UBE2L3: variants seen among roughly 807,000 people sequenced by gnomAD.
UBE2L3 encodes the protein ubiquitin-conjugating enzyme E2 L3.
UBE2L3 carries 1 observed loss-of-function variant against 17.8 expected under a neutral mutation model. That is an observed-to-expected ratio of 0.06 (90% CI 0.02 to 0.27). UBE2L3 has a LOEUF of 0.27. Ranked by LOEUF, UBE2L3 falls within the 10% of genes least tolerant of loss-of-function variation. The pLI is 1.00. For synonymous variants in UBE2L3, 44 were observed against 68.5 expected, an observed-to-expected ratio of 0.64 and a Z score of 1.76; for missense variants, 40 against 192.6, an observed-to-expected ratio of 0.21 and a Z score of 4.69.
chr22:21,608,228 C>T (rs1929279944), intron 2 of UBE2L3, among the ~76,000 whole-genome samples: 1 of 152,078 alleles, frequency 6.6e-6, no homozygotes, highest in Non-Finnish European at 1.5e-5. Context: ...ACAAGTTAGG[C>T]GGTTTCTTTC....
chr22:21,591,936 T>G (rs1928288686), intron 1 of UBE2L3, among the ~76,000 whole-genome samples: 1 of 152,164 alleles, frequency 6.6e-6, no homozygotes. Context: ...GCTGGTGTTC[T>G]GGCAGGAGGG....
At chr22:21,577,278 A>AT (rs1568973083) in intron 1 of UBE2L3, among the ~76,000 whole-genome samples, 1 of 151,448 alleles carries the variant, frequency 6.6e-6, no homozygotes, top group Non-Finnish European at 1.5e-5. Context: ...TGATTTTTGC[A>AT]TTTTTTAGTA....
intron 1 of UBE2L3, among the ~76,000 whole-genome samples, chr22:21,556,529 A>T (rs1316122774): frequency 6.6e-6 from 1 of 152,248 alleles, no homozygotes; most frequent in African/African-American, 2.4e-5. Flanking sequence ...TCCTGGACTT[A>T]AGCAATCCTC....
intron 1 of UBE2L3, among the ~76,000 whole-genome samples, chr22:21,557,574 G>A (rs1341452228): frequency 6.6e-6 from 1 of 152,096 alleles, no homozygotes; most frequent in Non-Finnish European, 1.5e-5. Context: ...CCAGGCTGGA[G>A]TGCAGTGGTG....
intron 2 of UBE2L3, among the ~76,000 whole-genome samples, chr22:21,593,291 G>T (rs1928357154): frequency 6.6e-6 from 1 of 152,164 alleles, no homozygotes; most frequent in African/African-American, 2.4e-5. Context: ...GAGCTCCTCA[G>T]GAGGGGACAA....
intron 3 of UBE2L3, among the ~76,000 whole-genome samples, chr22:21,619,486 C>T (rs546525767): frequency 2.6e-5 from 4 of 152,278 alleles, no homozygotes; most frequent in African/African-American, 4.8e-5. Context: ...ATGCCCTCCT[C>T]GCCTCTGCCC....
chr22:21,589,101 A>G (rs1928111532), intron 1 of UBE2L3, among the ~76,000 whole-genome samples: 1 of 134,036 alleles, frequency 7.5e-6, no homozygotes, highest in Non-Finnish European at 1.6e-5. Context: ...GCCTGAATTT[A>G]TCTTCTTGAA....
At chr22:21,567,219 A>G (rs1015738794), upstream of UBE2L3, among the ~76,000 whole-genome samples, 78 of 151,836 alleles carry the variant, frequency 5.1e-4, 1 homozygote, top group Admixed American at 5.1e-3. Context: ...GCTGGAGTGT[A>G]GTGGCAAGAT....
intron 2 of UBE2L3, among the ~76,000 whole-genome samples, chr22:21,598,479 A>G (rs1928677130): frequency 6.8e-6 from 1 of 146,244 alleles, no homozygotes; most frequent in Non-Finnish European, 1.5e-5. Flanking sequence ...TTTCCCCATA[A>G]TTGTGAGTTT....
At chr22:21,572,422 CAAAA>C (rs140497) in intron 1 of UBE2L3, among the ~76,000 whole-genome samples, 5 of 104,798 alleles carry the variant, frequency 4.8e-5, no homozygotes, top group African/African-American at 1.5e-4. Flanking sequence ...GACTCCGTCT[CAAAA>C]AAAAAAAAAA....
chr22:21,614,309 G>A (rs1039226329), intron 3 of UBE2L3, among the ~76,000 whole-genome samples: 2 of 152,146 alleles, frequency 1.3e-5, no homozygotes, highest in African/African-American at 4.8e-5. Context: ...GCCACCTGAG[G>A]CCGGGCACAG....
chr22:21,606,291 TGTGC>T (rs1568985117), intron 2 of UBE2L3, among the ~76,000 whole-genome samples: 1 of 138,430 alleles, frequency 7.2e-6, no homozygotes, highest in Middle Eastern at 3.4e-3. Flanking sequence ...TGCAGGAAAG[TGTGC>T]GCGCGCGCGT....
At position 21,552,179 on chromosome 22, in the gene UBE2L3, A is replaced by AAT. The variant is rs1256326084; in HGVS notation, c.201+2529_201+2530insAT. On this transcript the variant is annotated intron_variant, in intron 1 of 3. Transcript: ENST00000458578. Reference sequence around the variant, plus strand: ...CATGGATGGACACCTGATACCTGGCAGTCTGCATCGAGACATTGATTTTGT... The same window carrying AAT: ...CATGGATGGACACCTGATACCTGGCAATGTCTGCATCGAGACATTGATTTTGT... 2.0e-3 allele frequency among the ~76,000 whole-genome samples: 312 copies of AAT among 152,240 alleles called. No individual in the cohort carries two copies. In the East Asian group the frequency reaches 0.056, roughly 27 times the overall value.
intron 1 of UBE2L3, among the ~76,000 whole-genome samples, chr22:21,588,103 G>A (rs1345239576): frequency 6.6e-6 from 1 of 152,144 alleles, no homozygotes; most frequent in Non-Finnish European, 1.5e-5. Flanking sequence ...AGCTGACTTG[G>A]GTTGCTTCTT....
intron 1 of UBE2L3, among the ~76,000 whole-genome samples, chr22:21,592,006 A>G (rs1232548063): frequency 1.3e-5 from 2 of 152,182 alleles, no homozygotes; most frequent in South Asian, 2.1e-4. Context: ...GTTGGAGGCA[A>G]TGGGAAATGT....
intron 1 of UBE2L3, among the ~76,000 whole-genome samples, chr22:21,573,793 T>C (rs2148402938): frequency 6.6e-6 from 1 of 152,320 alleles, no homozygotes; most frequent in Admixed American, 6.5e-5. Context: ...CGTCCCGCTT[T>C]GGGTTTTAGT....
intron 2 of UBE2L3, among the ~76,000 whole-genome samples, chr22:21,609,605 G>A (rs34327309): frequency 2.0e-5 from 3 of 152,146 alleles, no homozygotes; most frequent in Admixed American, 6.5e-5. Flanking sequence ...CTACTTGGGA[G>A]GCTGAGGTGG....
At chr22:21,589,398 C>T (rs183605400) in intron 1 of UBE2L3, among the ~76,000 whole-genome samples, 55 of 147,410 alleles carry the variant, frequency 3.7e-4, no homozygotes, top group East Asian at 2.1e-3. Flanking sequence ...CCGCCCACCT[C>T]GGCCTCCCGA....
In UBE2L3 at chr22:21,603,529, T is replaced by TAAAA. The variant is rs780658850; in HGVS notation, c.124-7307_124-7304dup. On this transcript the variant is annotated intron_variant, in intron 2 of 3. Coordinates refer to ENST00000342192, the MANE Select transcript of UBE2L3 (RefSeq NM_003347.4). Reference sequence around the variant, plus strand: ...TGGGTGACAGAGCGAGACTCTGTCTTAAAAAAAAAAAAAAAAAAAAAAAAG... The same window carrying TAAAA: ...TGGGTGACAGAGCGAGACTCTGTCTTAAAAAAAAAAAAAAAAAAAAAAAAAAAAG... Among the ~76,000 whole-genome samples the TAAAA allele has an allele frequency of 7.1e-3, 570 of 79,942 alleles. 6 individuals are homozygous for TAAAA. The highest frequency in any genetic ancestry group is 0.01 in the East Asian group (27 of 2,616). The allele number at this position is 79,942 out of a possible 152,430, so 52.4% of individuals were successfully genotyped here. A position where few individuals can be genotyped will look rare whatever the true frequency, so the allele number is the denominator to read the frequency against.
Sources: allele counts gnomAD v4.1 joint callset (sites outside exome capture counted in the v4.1 genomes callset), GRCh38; gene constraint gnomAD v4.1.1; transcripts MANE v1.5; gene names NCBI Gene and HGNC (gene_info 2026-07-23, HGNC 2026-07-21).